CUEDC1: variants seen among roughly 807,000 people sequenced by gnomAD.
The protein encoded by CUEDC1 is CUE domain containing 1, also known as CUE domain-containing protein 1.
CUEDC1 carries 30 observed loss-of-function variants against 43.7 expected under a neutral mutation model. That is an observed-to-expected ratio of 0.69 (90% CI 0.51 to 0.93). The LOEUF (loss-of-function observed/expected upper bound fraction) is 0.93. CUEDC1 is among the 40% of genes least tolerant of loss of function. CUEDC1 has a pLI of 0.00. For synonymous variants in CUEDC1, 223 were observed against 223.6 expected (o/e 1.00, Z 0.02); for missense variants, 486 against 549.0 (o/e 0.89, Z 1.15).
intron 1 of CUEDC1, among the ~76,000 whole-genome samples, chr17:57,897,717 A>G (rs966673735): frequency 2.6e-5 from 4 of 151,570 alleles, no homozygotes; most frequent in Non-Finnish European, 5.9e-5. Context: ...ACAAAATTTT[A>G]CAAAACCTGA....
intron 1 of CUEDC1, among the ~76,000 whole-genome samples, chr17:57,914,057 G>GC (rs1317825998): frequency 6.6e-6 from 1 of 152,122 alleles, no homozygotes; most frequent in Non-Finnish European, 1.5e-5. Flanking sequence ...CCCGTTGGTG[G>GC]CCCCAACAGA....
Position 57,871,279 on chromosome 17 carries a change from A to G in CUEDC1, c.868+7T>C. 1 of 1,610,444 alleles carries G rather than the reference A, an allele frequency of 6.2e-7. No homozygotes were observed. Among genetic ancestry groups the G allele is most frequent in the Non-Finnish European group, 8.5e-7 (1 of 1,176,656 alleles). On this transcript the variant is annotated splice_region_variant and intron_variant, in intron 6 of 10. Coordinates refer to ENST00000577830, the MANE Select transcript of CUEDC1 (RefSeq NM_001271875.2). Reference sequence around the variant, plus strand: ...TCTAGGTTTTCTTCCCCAGAAGGCAAAGTTACCTGGGACAGGAGAGGAAAA... The same window carrying G: ...TCTAGGTTTTCTTCCCCAGAAGGCAGAGTTACCTGGGACAGGAGAGGAAAA...
At chr17:57,868,551 G>A (rs999477294) in intron 7 of CUEDC1, 13 of 418,508 alleles carry the variant, frequency 3.1e-5, no homozygotes, top group African/African-American at 2.0e-4. Context: ...ACACTGCAAC[G>A]CATCTTGGCT....
At chr17:57,934,552 G>GTC (rs201503991) in intron 1 of CUEDC1, among the ~76,000 whole-genome samples, 20 of 91,916 alleles carry the variant, frequency 2.2e-4, no homozygotes, top group South Asian at 4.4e-4. Context: ...GCAAGACCCT[G>GTC]TCTCTCTAAA....
chr17:57,949,454 G>A (rs2074985533), intron 1 of CUEDC1, among the ~76,000 whole-genome samples: 1 of 151,896 alleles, frequency 6.6e-6, no homozygotes, highest in Non-Finnish European at 1.5e-5. Flanking sequence ...AACGATGCCT[G>A]GACATTGCAC....
chr17:57,927,812 T>C (rs2074763171), intron 1 of CUEDC1, among the ~76,000 whole-genome samples: 1 of 152,268 alleles, frequency 6.6e-6, no homozygotes, highest in African/African-American at 2.4e-5. Context: ...AAACAATTCA[T>C]GCAATGTAAG....
intron 5 of CUEDC1, among the ~76,000 whole-genome samples, chr17:57,872,410 G>A (rs575169826): frequency 1.2e-4 from 19 of 152,312 alleles, no homozygotes; most frequent in Admixed American, 7.8e-4. Context: ...GTGTGCAAAG[G>A]GAAGAAGGCC....
At chr17:57,946,749 G>A (rs1486375124) in intron 1 of CUEDC1, among the ~76,000 whole-genome samples, 2 of 152,118 alleles carry the variant, frequency 1.3e-5, no homozygotes, top group African/African-American at 4.8e-5. Flanking sequence ...GAGGCTCAGT[G>A]GTCCTGTAAT....
intron 1 of CUEDC1, among the ~76,000 whole-genome samples, chr17:57,910,664 G>C (rs2074573235): frequency 6.6e-6 from 1 of 151,696 alleles, no homozygotes; most frequent in South Asian, 2.1e-4. Flanking sequence ...AAAAAGAGAA[G>C]AAAAGAAAAA....
Position 57,879,730 on chromosome 17 carries a change from T to C in CUEDC1, c.345A>G (p.Glu115=), listed in dbSNP as rs2074178528. ...CCGAGCTATCAGGTTCCAAAGTCCT[T>C]TCCAAGATCTAAATCAGAGGCAACA... is the stretch of plus-strand genomic sequence containing the variant. The part of the protein sequence containing the change: ...SEDSIPPEIL[E]RTLEPDSSDE... The change falls in exon 3 of 11, where the codon GAA becomes GAG. Residue 115 remains glutamate (E), a synonymous_variant. Transcript: ENST00000577830. The C allele has an allele frequency of 1.3e-6, 2 of 1,597,890 alleles. No homozygotes were observed. The highest frequency in any genetic ancestry group is 8.5e-7 in the Non-Finnish European group (1 of 1,174,334).
chr17:57,868,781 C>T (rs914879766), intron 7 of CUEDC1, among the ~76,000 whole-genome samples: 1 of 152,146 alleles, frequency 6.6e-6, no homozygotes, highest in African/African-American at 2.4e-5. Context: ...CCCCCACCCC[C>T]ACAGAGGCTT....
intron 3 of CUEDC1, among the ~76,000 whole-genome samples, 197 bp from the exon 4 acceptor site, chr17:57,873,914 CA>C (rs2074073201): frequency 6.6e-6 from 1 of 152,238 alleles, no homozygotes; most frequent in South Asian, 2.1e-4. Flanking sequence ...ACTCCCCAGC[CA>C]TTCATGCTCT....
At chr17:57,913,267 G>A (rs2143069594) in intron 1 of CUEDC1, among the ~76,000 whole-genome samples, 1 of 151,918 alleles carries the variant, frequency 6.6e-6, no homozygotes, top group African/African-American at 2.4e-5. Context: ...GGCGGAGGTT[G>A]CAGTGAGCCA....
At chr17:57,914,195 G>C (rs1366299783) in intron 1 of CUEDC1, among the ~76,000 whole-genome samples, 1 of 152,186 alleles carries the variant, frequency 6.6e-6, no homozygotes, top group African/African-American at 2.4e-5. Context: ...GAAAGGGAGA[G>C]GAGGAGATTT....
At chr17:57,929,208 T>C (rs1182855294) in intron 1 of CUEDC1, among the ~76,000 whole-genome samples, 1 of 152,148 alleles carries the variant, frequency 6.6e-6, no homozygotes, top group East Asian at 1.9e-4. Flanking sequence ...CTCTTAACGA[T>C]AAGCTTTACC....
chr17:57,935,378 GAC>G lies in CUEDC1; in HGVS notation c.-316+19845_-316+19846del, dbSNP rs146002407. Among the ~76,000 whole-genome samples, 736 of 142,156 alleles carry G rather than the reference GAC, an allele frequency of 5.2e-3. 10 individuals carry two copies. Among genetic ancestry groups the G allele is most frequent in the African/African-American group, 0.014 (556 of 38,626 alleles). The allele number at this position is 142,156 out of a possible 152,430, so 93.3% of individuals were successfully genotyped here. The stretch of plus-strand genomic sequence containing the variant: ...TTTTAAGCTTCCCTCCCTTCCATTA[GAC>G]ACACACACACACACACACACACACA... On this transcript the variant is annotated intron_variant, in intron 1 of 10. Transcript: ENST00000577830.
At chr17:57,893,373 G>GTGTGTGTGTGTGTGTGTGTGTGTT (rs1175517850) in intron 1 of CUEDC1, among the ~76,000 whole-genome samples, 1 of 152,038 alleles carries the variant, frequency 6.6e-6, no homozygotes. Flanking sequence ...GTGTGTGTGT[G>GTGTGTGTGTGTGTGTGTGTGTGTT]TTTCAGGCAG....
rs944260507 is a variant in CUEDC1 at position 57,861,920 on chromosome 17, G to A, written c.*1369C>T. ...CGGCCCCGCGCGCGTTTCCAAACTTGGTCACGCTCGGCGGCGGCTGCGCGT... is the reference window on the plus strand; with the variant it reads ...CGGCCCCGCGCGCGTTTCCAAACTTAGTCACGCTCGGCGGCGGCTGCGCGT... On this transcript the variant is annotated 3_prime_UTR_variant, in exon 11 of 11. Transcript: ENST00000577830. The A allele has an allele frequency of 5.8e-4, 88 of 152,132 alleles. 3 individuals carry two copies. 9.4% of individuals were successfully genotyped at this position (152,132 alleles called of 1,614,324 possible).
At chr17:57,928,076 C>G (rs770355708) in intron 1 of CUEDC1, among the ~76,000 whole-genome samples, 1 of 152,222 alleles carries the variant, frequency 6.6e-6, no homozygotes, top group Non-Finnish European at 1.5e-5. Context: ...CCTTGTGAAG[C>G]TTACAGCCTG....
Sources: allele counts gnomAD v4.1 joint callset (sites outside exome capture counted in the v4.1 genomes callset), GRCh38; gene constraint gnomAD v4.1.1; transcripts MANE v1.5; gene names NCBI Gene and HGNC (gene_info 2026-07-23, HGNC 2026-07-21).